DHRS9: variants seen among roughly 807,000 people sequenced by gnomAD.
DHRS9 encodes the protein dehydrogenase/reductase SDR family member 9.
Under a neutral mutation model 26.6 loss-of-function variants are expected in DHRS9, and 18 were observed. The observed-to-expected ratio is 0.68, with a 90% CI of 0.47 to 1.00. DHRS9 has a LOEUF of 1.00. Among genes scored for constraint, DHRS9 ranks in the 50% least tolerant of loss-of-function variants. The pLI is 0.00. For synonymous variants in DHRS9, 134 were observed against 141.1 expected, an observed-to-expected ratio of 0.95 and a Z score of 0.36; for missense variants, 425 against 378.7, an observed-to-expected ratio of 1.12 and a Z score of -1.01.
intron 1 of DHRS9, chr2:169,072,435 G>A (rs541213172): frequency 4.9e-6 from 1 of 202,122 alleles, no homozygotes; most frequent in African/African-American, 2.4e-5. Flanking sequence ...ACTCTACATT[G>A]CTTATAAAAA....
rs148126692 is a variant in DHRS9, at chr2:169,073,104, T to C, written c.-60+3387T>C. On this transcript the variant is annotated intron_variant, in intron 1 of 4. Coordinates refer to ENST00000674881, the MANE Select transcript of DHRS9 (RefSeq NM_001376924.1). ...GAGCTACAGTGGAGACTTCCTTCTTTCCTTCCTTTTTTCCTTCTTTGCTGT... is the reference window on the plus strand; with the variant it reads ...GAGCTACAGTGGAGACTTCCTTCTTCCCTTCCTTTTTTCCTTCTTTGCTGT... 1.9e-3 allele frequency among the ~76,000 whole-genome samples: 295 copies of C among 152,346 alleles called. 3 individuals are homozygous for C. The highest frequency in any genetic ancestry group is 0.017 in the East Asian group (86 of 5,188).
At chr2:169,075,511 G>T (rs1259096441) in intron 1 of DHRS9, among the ~76,000 whole-genome samples, 2 of 151,944 alleles carry the variant, frequency 1.3e-5, no homozygotes, top group African/African-American at 2.4e-5. Context: ...TATCAAAATT[G>T]GGAAATTAAT....
At chr2:169,095,054 C>T (rs1433118534) in intron 4 of DHRS9, among the ~76,000 whole-genome samples, 2 of 152,160 alleles carry the variant, frequency 1.3e-5, no homozygotes, top group East Asian at 3.9e-4. Flanking sequence ...AGCACATGTG[C>T]AACCCACATT....
chr2:169,082,004 C>G (rs888757579), intron 2 of DHRS9, 110 bp downstream of exon 2: 43 of 1,109,476 alleles, frequency 3.9e-5, no homozygotes, highest in Non-Finnish European at 5.1e-5. Context: ...AAAATGTTTC[C>G]TAAATACCGG....
rs1684545161 is a variant in DHRS9, at chr2:169,091,972, C to T, written c.736+19C>T. 2.5e-6 allele frequency: 4 copies of T among 1,610,058 alleles called. No homozygotes were observed. The highest frequency in any genetic ancestry group is 1.7e-4 in the Middle Eastern group (1 of 6,030). On this transcript the variant is annotated intron_variant, in intron 4 of 4. Coordinates refer to ENST00000674881, the MANE Select transcript of DHRS9 (RefSeq NM_001376924.1). ...GAAAAAAGTGAGTTTCCGGGCGGTG[C>T]CAATGTCCTCTAGAATTCTTTGTCC...
chr2:169,075,529 C>T lies in DHRS9; in HGVS notation c.-60+5812C>T, dbSNP rs375518728. ...CAAAATTGGGAAATTAATATTAATG[C>T]AATACTATTTATCAAATTTTAAGAT... On this transcript the variant is annotated intron_variant, in intron 1 of 4. Coordinates refer to ENST00000674881, the MANE Select transcript of DHRS9 (RefSeq NM_001376924.1). 6.2e-4 allele frequency among the ~76,000 whole-genome samples: 95 copies of T among 152,074 alleles called. 1 individual carries two copies. The highest frequency in any genetic ancestry group is 2.1e-3 in the African/African-American group (87 of 41,498).
At chr2:169,083,861 G>T (rs1284684688) in intron 3 of DHRS9, among the ~76,000 whole-genome samples, 1 of 150,296 alleles carries the variant, frequency 6.7e-6, no homozygotes, top group Admixed American at 6.6e-5. Flanking sequence ...TATACTCTTT[G>T]AGTTATTTTT....
chr2:169,095,625 C>G lies in DHRS9; in HGVS notation c.818C>G (p.Thr273Arg), dbSNP rs555528579. 1.5e-4 allele frequency: 245 copies of G among 1,613,960 alleles called. No homozygotes were observed. The highest frequency in any genetic ancestry group is 2.0e-4 in the Non-Finnish European group (239 of 1,179,908). The change falls in exon 5 of 5, where the codon ACA becomes AGA. Residue 273 changes from threonine to arginine, a missense_variant. By Grantham distance (71) the Thr-to-Arg change is moderately conservative. Coordinates refer to ENST00000674881, the MANE Select transcript of DHRS9 (RefSeq NM_001376924.1). ...PVVECMDHAL[T>R]SLFPKTHYAA... ...GTAGAGTGCATGGACCACGCTCTAA[C>G]AAGTCTCTTCCCTAAGACTCATTAT...
rs1001590894 is a variant in DHRS9 at position 169,083,682 on chromosome 2, G to C, written c.572+95G>C. On this transcript the variant is annotated intron_variant, in intron 3 of 4. Coordinates refer to ENST00000674881, the MANE Select transcript of DHRS9 (RefSeq NM_001376924.1). ...CATCCTATTTAGTACCTTTCAAAAA[G>C]TCTACCATATTTATCTCTAATTTTT... 4.9e-6 allele frequency: 7 copies of C among 1,419,602 alleles called. No individual in the cohort carries two copies. The East Asian group carries it at 1.5e-4, about 30-fold the overall frequency. 87.9% of individuals were successfully genotyped at this position (1,419,602 alleles called of 1,614,324 possible).
chr2:169,089,111 G>C (rs750129501), intron 3 of DHRS9, among the ~76,000 whole-genome samples: 1 of 152,190 alleles, frequency 6.6e-6, no homozygotes, highest in Non-Finnish European at 1.5e-5. Context: ...AAAAGGCAGA[G>C]AGTATGCTTA....
At chr2:169,078,831 T>C (rs200213565) in intron 1 of DHRS9, among the ~76,000 whole-genome samples, 33,580 of 143,046 alleles carry the variant, frequency 0.23, 4,509 homozygotes, top group African/African-American at 0.3. Context: ...TTTTTTTTTT[T>C]TTTTTTTTTT....
chr2:169,081,909 A>G lies in DHRS9; in HGVS notation c.313+15A>G, dbSNP rs2105291362. 1 of 1,591,850 alleles carries G rather than the reference A, an allele frequency of 6.3e-7. No individual in the cohort carries two copies. The highest frequency in any genetic ancestry group is 8.6e-7 in the Non-Finnish European group (1 of 1,167,930). On this transcript the variant is annotated intron_variant, in intron 2 of 4. Coordinates refer to ENST00000674881, the MANE Select transcript of DHRS9 (RefSeq NM_001376924.1). Reference sequence around the variant, plus strand: ...TGGGGAGAAAGGTGAGAGACATGGAAGTGGGTAGGATGGGACAGGGATAGG... The same window carrying G: ...TGGGGAGAAAGGTGAGAGACATGGAGGTGGGTAGGATGGGACAGGGATAGG...
intron 1 of DHRS9, chr2:169,081,149 A>G: frequency 9.9e-7 from 1 of 1,005,852 alleles, no homozygotes; most frequent in Non-Finnish European, 1.2e-6. Context: ...TGAACTAGCA[A>G]GAGGTAAGAT....
chr2:169,087,659 T>C (rs1383256492), intron 3 of DHRS9, among the ~76,000 whole-genome samples: 1 of 152,082 alleles, frequency 6.6e-6, no homozygotes, highest in Non-Finnish European at 1.5e-5. Flanking sequence ...ACCTTGGGTA[T>C]TGCTCCTGAT....
rs373508083 is a variant in DHRS9, at chr2:169,081,613, T to C, written c.32T>C (p.Leu11Pro). 29 of 1,614,052 alleles carry C rather than the reference T, an allele frequency of 1.8e-5. No homozygotes were observed. In the African/African-American group the frequency reaches 2.4e-4, roughly 13 times the overall value. ...TTTTGGGTGCTAGGCCTCCTAATCC[T>C]CTGTGGTTTTCTGTGGACTCGTAAA... MLFWVLGLLI[L>P]CGFLWTRKGK... The change falls in exon 2 of 5, where the codon CTC (leucine) becomes CCC (proline). Residue 11 changes from leucine (L) to proline (P), a missense_variant. By Grantham distance (98) the Leu-to-Pro change is moderately conservative. Transcript: ENST00000674881.
upstream of DHRS9, chr2:169,067,202 T>C: frequency 6.5e-7 from 1 of 1,535,614 alleles, no homozygotes; most frequent in Middle Eastern, 1.7e-4. Flanking sequence ...ACCCTCCTGG[T>C]CAGCCTTACA....
intron 1 of DHRS9, among the ~76,000 whole-genome samples, chr2:169,079,515 T>A (rs767236318): frequency 6.6e-6 from 1 of 152,224 alleles, no homozygotes; most frequent in South Asian, 2.1e-4. Context: ...AAATAAATGA[T>A]TTTTGAAAAG....
intron 1 of DHRS9, chr2:169,074,240 A>G (rs903933438): frequency 2.0e-6 from 2 of 982,582 alleles, no homozygotes; most frequent in African/African-American, 1.7e-5. Context: ...TAGATGTTGT[A>G]TTTCTACTTT....
chr2:169,070,790 C>T (rs544819869), intron 1 of DHRS9: 63 of 984,340 alleles, frequency 6.4e-5, no homozygotes, highest in South Asian at 1.4e-4. Context: ...CCTGGCCGGG[C>T]GCGGTGGCTC....
Sources: gnomAD v4.1 joint callset for allele counts (sites outside exome capture counted in the v4.1 genomes callset) on GRCh38, gnomAD v4.1.1 for gene constraint, MANE v1.5 for transcripts, NCBI Gene and HGNC (gene_info 2026-07-23, HGNC 2026-07-21) for gene names.